The following EPC2 variants were observed in gnomAD, a reference collection of about 807,000 sequenced individuals.
EPC2 encodes the protein enhancer of polycomb 2.
Under a neutral mutation model 92.1 loss-of-function variants are expected in EPC2, and 14 were observed. That is an observed-to-expected ratio of 0.15 (90% confidence interval 0.10 to 0.24). EPC2 has a LOEUF of 0.24. EPC2 is among the 10% of genes least tolerant of loss of function. EPC2 has a pLI of 1.00. For synonymous variants in EPC2, 340 were observed against 334.7 expected (o/e 1.02, Z -0.17); for missense variants, 755 against 971.5 (o/e 0.78, Z 2.96).
At chr2:148,710,362 A>G (rs1380681027) in intron 2 of EPC2, among the ~76,000 whole-genome samples, 2 of 152,208 alleles carry the variant, frequency 1.3e-5, no homozygotes, top group Non-Finnish European at 1.5e-5. Flanking sequence ...GGTGCTGGAG[A>G]GGATGTGGAG....
At chr2:148,669,195 G>T (rs1681108124) in intron 1 of EPC2, among the ~76,000 whole-genome samples, 1 of 152,108 alleles carries the variant, frequency 6.6e-6, no homozygotes, top group Non-Finnish European at 1.5e-5. Context: ...GTAAGGTTAG[G>T]TTTGACTCTG....
At chr2:148,747,516 C>A (rs906802694) in intron 3 of EPC2, among the ~76,000 whole-genome samples, 6 of 152,050 alleles carry the variant, frequency 3.9e-5, no homozygotes, top group African/African-American at 1.4e-4. Context: ...CCCATTGTCT[C>A]TTCTTTCTTT....
intron 10 of EPC2, among the ~76,000 whole-genome samples, chr2:148,779,667 AAAG>A (rs1283818485): frequency 1.3e-5 from 2 of 152,352 alleles, no homozygotes; most frequent in East Asian, 3.9e-4. Flanking sequence ...AAGATTTTAG[AAAG>A]AAGAAAAAAT....
Position 148,718,711 on chromosome 2 carries a change from T to G in EPC2, c.314-24911T>G, listed in dbSNP as rs183911254. 1.9e-4 allele frequency among the ~76,000 whole-genome samples: 29 copies of G among 152,288 alleles called. No individual in the cohort carries two copies. In the East Asian group the frequency reaches 5.6e-3, roughly 29 times the overall value. ...GATCTTGGAGAATCTGATGATTATG[T>G]GTTTTGGGGATGATTCTTCTCATGG... On this transcript the variant is annotated intron_variant, in intron 2 of 13. Coordinates refer to ENST00000258484, the MANE Select transcript of EPC2 (RefSeq NM_015630.4).
intron 1 of EPC2, among the ~76,000 whole-genome samples, chr2:148,669,979 T>C (rs1002871671): frequency 6.6e-6 from 1 of 152,204 alleles, no homozygotes; most frequent in South Asian, 2.1e-4. Flanking sequence ...AGTAGTACAC[T>C]GCTAAGTACT....
In EPC2 at chr2:148,644,915, C is replaced by G; in HGVS notation, c.-103C>G. 1 of 1,036,898 alleles carries G rather than the reference C, an allele frequency of 9.6e-7. No individual in the cohort carries two copies. Among genetic ancestry groups the G allele is most frequent in the Non-Finnish European group, 1.4e-6 (1 of 702,530 alleles). The allele number at this position is 1,036,898 out of a possible 1,614,324, so 64.2% of individuals were successfully genotyped here. A position where few individuals can be genotyped will look rare whatever the true frequency, so the allele number is the denominator to read the frequency against. On this transcript the variant is annotated 5_prime_UTR_variant, in exon 1 of 14. Coordinates refer to ENST00000258484, the MANE Select transcript of EPC2 (RefSeq NM_015630.4). Reference sequence around the variant, plus strand: ...AGGAGGAGGAGGAGCGGGCCGGCCGCGCTGCACTGAGGAAGGAGGTGGAGG... The same window carrying G: ...AGGAGGAGGAGGAGCGGGCCGGCCGGGCTGCACTGAGGAAGGAGGTGGAGG...
intron 1 of EPC2, among the ~76,000 whole-genome samples, chr2:148,672,695 T>C (rs1681179575): frequency 6.6e-6 from 1 of 152,188 alleles, no homozygotes; most frequent in African/African-American, 2.4e-5. Flanking sequence ...TGTTTTTGTC[T>C]TTTAAGTTGT....
At chr2:148,697,283 G>A (rs1044108760) in intron 2 of EPC2, among the ~76,000 whole-genome samples, 1 of 152,024 alleles carries the variant, frequency 6.6e-6, no homozygotes, top group African/African-American at 2.4e-5. Flanking sequence ...CCATTCAAAG[G>A]GGGTTGGTAA....
In EPC2 at chr2:148,644,845, T is replaced by G; in HGVS notation, c.-173T>G. ...GGAGGCGGCCGCGGGCGCGGGGGGC[T>G]GTTTTCGGGCGGGGTGGGCGCCCAT... On this transcript the variant is annotated 5_prime_UTR_variant, in exon 1 of 14. Coordinates refer to ENST00000258484, the MANE Select transcript of EPC2 (RefSeq NM_015630.4). The G allele has an allele frequency of 7.3e-4, 360 of 491,696 alleles. No individual in the cohort carries two copies. The highest frequency in any genetic ancestry group is 1.7e-3 in the Middle Eastern group (3 of 1,790). 30.5% of individuals were successfully genotyped at this position (491,696 alleles called of 1,614,324 possible).
intron 2 of EPC2, among the ~76,000 whole-genome samples, chr2:148,698,633 CAAAAAAAAAAAA>C (rs36045036): frequency 1.8e-5 from 1 of 57,008 alleles, no homozygotes; most frequent in Non-Finnish European, 2.8e-5. Context: ...GACTCCATCT[CAAAAAAAAAAAA>C]AAAAAAAAAA....
chr2:148,777,108 C>T (rs192125846), intron 10 of EPC2, among the ~76,000 whole-genome samples: 1,688 of 152,024 alleles, frequency 0.011, 34 homozygotes, highest in African/African-American at 0.039. Context: ...GATCCACCCA[C>T]CTTGGCCTCC....
intron 2 of EPC2, among the ~76,000 whole-genome samples, chr2:148,718,199 T>A (rs1449469636): frequency 6.6e-6 from 1 of 152,190 alleles, no homozygotes; most frequent in Admixed American, 6.5e-5. Flanking sequence ...TTATCCAGCT[T>A]GCCATTCTGT....
chr2:148,757,982 G>T (rs2382248), intron 4 of EPC2, among the ~76,000 whole-genome samples: 30,080 of 152,100 alleles, frequency 0.2, 3,623 homozygotes, highest in East Asian at 0.49. Flanking sequence ...GGAACACACA[G>T]TTTATTATGC....
chr2:148,701,880 T>G (rs191669753), intron 2 of EPC2, among the ~76,000 whole-genome samples: 147 of 152,302 alleles, frequency 9.7e-4, no homozygotes, highest in Admixed American at 8.4e-3. Context: ...GGAGGTTTTT[T>G]GATTTGACTC....
intron 1 of EPC2, among the ~76,000 whole-genome samples, chr2:148,678,783 G>A (rs1459298893): frequency 4.6e-5 from 7 of 152,228 alleles, no homozygotes; most frequent in Non-Finnish European, 1.0e-4. Flanking sequence ...CCACACCTCC[G>A]TGCAAGCTGA....
chr2:148,753,255 C>A (rs1209716635), intron 3 of EPC2, among the ~76,000 whole-genome samples: 1 of 152,140 alleles, frequency 6.6e-6, no homozygotes, highest in Non-Finnish European at 1.5e-5. Flanking sequence ...AGGGAACCAT[C>A]CTAGGGCCAC....
At chr2:148,702,151 G>A (rs1399058301) in intron 2 of EPC2, among the ~76,000 whole-genome samples, 2 of 151,766 alleles carry the variant, frequency 1.3e-5, no homozygotes, top group African/African-American at 4.8e-5. Context: ...AAGTCAGGTG[G>A]CTTGTTTTTG....
chr2:148,656,001 C>CTGTGTGTGTGTGTGTGTGTGTG (rs1553537658), intron 1 of EPC2, among the ~76,000 whole-genome samples: 1 of 59,956 alleles, frequency 1.7e-5, no homozygotes, highest in Non-Finnish European at 3.9e-5. Flanking sequence ...CTGCTGTTAG[C>CTGTGTGTGTGTGTGTGTGTGTG]TGTGTGTGTG....
chr2:148,784,522 G>A, intron 12 of EPC2, 146 bp from the exon 13 acceptor site: 1 of 627,990 alleles, frequency 1.6e-6, no homozygotes, highest in South Asian at 2.1e-5. Context: ...TTAGTGATCA[G>A]AAGCTCCCTT....
Sources: gnomAD v4.1 joint callset for allele counts (sites outside exome capture counted in the v4.1 genomes callset) on GRCh38, gnomAD v4.1.1 for gene constraint, MANE v1.5 for transcripts, NCBI Gene and HGNC (gene_info 2026-07-23, HGNC 2026-07-21) for gene names.